ERC2: variants seen among roughly 807,000 people sequenced by gnomAD.
The protein encoded by ERC2 is ERC protein 2.
In ERC2, 42 loss-of-function variants were observed where a neutral mutation model predicts 114.8. The ratio of observed to expected loss-of-function variants is 0.37; its 90% CI spans 0.29 to 0.47. The LOEUF (loss-of-function observed/expected upper bound fraction) is 0.47, where lower values mean the gene tolerates loss of function less well. ERC2 is among the 20% of genes least tolerant of loss of function. The pLI, the probability that ERC2 is intolerant of heterozygous loss-of-function variation, is 0.99. For synonymous variants in ERC2, 454 were observed against 425.5 expected, an observed-to-expected ratio of 1.07 and a Z score of -0.82; for missense variants, 939 against 1,150.7, an observed-to-expected ratio of 0.82 and a Z score of 2.66.
At chr3:56,396,340 A>G (rs945048288) in intron 2 of ERC2, among the ~76,000 whole-genome samples, 1 of 152,196 alleles carries the variant, frequency 6.6e-6, no homozygotes, top group African/African-American at 2.4e-5. Flanking sequence ...TGTTAAAATA[A>G]TGAATGGAGC....
chr3:55,816,177 A>G (rs1160487381), intron 14 of ERC2, among the ~76,000 whole-genome samples: 4 of 152,264 alleles, frequency 2.6e-5, no homozygotes, highest in Non-Finnish European at 4.4e-5. Context: ...CCTTCTCAAC[A>G]GTGAATCCCA....
chr3:55,850,568 T>C (rs766036174), intron 14 of ERC2, among the ~76,000 whole-genome samples: 2 of 152,182 alleles, frequency 1.3e-5, no homozygotes, highest in Non-Finnish European at 2.9e-5. Flanking sequence ...TCAACTGTTT[T>C]AGATGCATTT....
At chr3:56,167,352 T>TA (rs1219567755) in intron 4 of ERC2, among the ~76,000 whole-genome samples, 2 of 152,136 alleles carry the variant, frequency 1.3e-5, no homozygotes, top group African/African-American at 4.8e-5. Flanking sequence ...CTTCAGGAGT[T>TA]AGATTCACAA....
chr3:55,908,124 T>A (rs1445244973), intron 13 of ERC2, among the ~76,000 whole-genome samples: 1 of 152,196 alleles, frequency 6.6e-6, no homozygotes, highest in Non-Finnish European at 1.5e-5. Flanking sequence ...AAATGCCCTT[T>A]AGCTGCTGCT....
At chr3:56,294,389 C>T (rs570937243) in intron 3 of ERC2, among the ~76,000 whole-genome samples, 34 of 152,336 alleles carry the variant, frequency 2.2e-4, no homozygotes, top group African/African-American at 8.2e-4. Flanking sequence ...CAGGACCTGT[C>T]TTCTTATCTG....
At chr3:56,006,304 C>A (rs2149559882) in intron 10 of ERC2, among the ~76,000 whole-genome samples, 1 of 152,088 alleles carries the variant, frequency 6.6e-6, no homozygotes, top group African/African-American at 2.4e-5. Flanking sequence ...CATCCTTGAC[C>A]ATCCATGTCA....
chr3:56,318,290 C>T (rs2056964145), intron 2 of ERC2, among the ~76,000 whole-genome samples: 1 of 152,136 alleles, frequency 6.6e-6, no homozygotes, highest in East Asian at 1.9e-4. Context: ...GGGCTCACAC[C>T]TCAGCCTCCC....
intron 2 of ERC2, among the ~76,000 whole-genome samples, chr3:56,371,494 A>G (rs909674853): frequency 6.6e-6 from 1 of 152,206 alleles, no homozygotes; most frequent in African/African-American, 2.4e-5. Context: ...TTGTTATGGC[A>G]AGCTCTGAAT....
intron 2 of ERC2, among the ~76,000 whole-genome samples, chr3:56,306,597 TCAA>T (rs2056239919): frequency 6.6e-6 from 1 of 152,176 alleles, no homozygotes; most frequent in Non-Finnish European, 1.5e-5. Context: ...ATGTGTAACA[TCAA>T]CAGGATGGGT....
intron 2 of ERC2, among the ~76,000 whole-genome samples, chr3:56,360,280 T>C (rs11921059): frequency 0.23 from 35,308 of 151,630 alleles, 4,680 homozygotes; most frequent in Non-Finnish European, 0.29. Flanking sequence ...GTGATCCGCC[T>C]GCCTCAGCCT....
intron 7 of ERC2, among the ~76,000 whole-genome samples, chr3:56,037,144 C>T (rs533162447): frequency 4.6e-5 from 7 of 152,288 alleles, no homozygotes; most frequent in African/African-American, 1.7e-4. Flanking sequence ...TGCCTATTCT[C>T]CTCTAAGTGA....
intron 17 of ERC2, among the ~76,000 whole-genome samples, chr3:55,668,313 C>T (rs1014061558): frequency 1.1e-4 from 16 of 152,288 alleles, no homozygotes; most frequent in Middle Eastern, 3.4e-3. Flanking sequence ...GGAATGACAA[C>T]TGGGTTACAG....
At chr3:56,054,904 T>C (rs1403494466) in intron 7 of ERC2, among the ~76,000 whole-genome samples, 3 of 152,186 alleles carry the variant, frequency 2.0e-5, no homozygotes, top group African/African-American at 7.2e-5. Flanking sequence ...TATGTAGTCT[T>C]ATATCAAAAA....
chr3:55,612,745 A>G (rs971031635), intron 17 of ERC2: 2 of 152,220 alleles, frequency 1.3e-5, no homozygotes, highest in Non-Finnish European at 2.9e-5. Context: ...TGGTAAGTGT[A>G]AAGTTCAACG....
At chr3:55,855,724 C>T (rs907418329) in intron 14 of ERC2, among the ~76,000 whole-genome samples, 3 of 152,130 alleles carry the variant, frequency 2.0e-5, no homozygotes. Flanking sequence ...CTTATTAGAA[C>T]AAATGTGGAG....
chr3:55,770,580 G>A (rs2068119064), intron 14 of ERC2, among the ~76,000 whole-genome samples: 1 of 152,074 alleles, frequency 6.6e-6, no homozygotes, highest in African/African-American at 2.4e-5. Context: ...AGAGTTGGTT[G>A]CAATTTATCA....
At chr3:55,788,456 A>C (rs573169960) in intron 14 of ERC2, among the ~76,000 whole-genome samples, 1 of 152,220 alleles carries the variant, frequency 6.6e-6, no homozygotes, top group South Asian at 2.1e-4. Flanking sequence ...CAAAACCAAA[A>C]CCACAGCATA....
intron 14 of ERC2, among the ~76,000 whole-genome samples, chr3:55,793,925 G>C (rs1222196486): frequency 1.3e-5 from 2 of 152,184 alleles, no homozygotes; most frequent in African/African-American, 4.8e-5. Flanking sequence ...TAATTGCCTA[G>C]ATATAGAAAT....
At chr3:55,915,408 C>A (rs1005084339) in intron 13 of ERC2, among the ~76,000 whole-genome samples, 5 of 151,998 alleles carry the variant, frequency 3.3e-5, no homozygotes, top group Admixed American at 1.3e-4. Flanking sequence ...CATATAAAAT[C>A]AAACTCACGA....
Sources: allele counts gnomAD v4.1 joint callset (sites outside exome capture counted in the v4.1 genomes callset), GRCh38; gene constraint gnomAD v4.1.1; transcripts MANE v1.5; gene names NCBI Gene and HGNC (gene_info 2026-07-23, HGNC 2026-07-21).